Variants in SSH2 observed in about 807,000 individuals in gnomAD.
The protein encoded by SSH2 is protein phosphatase Slingshot homolog 2.
A neutral mutation model predicts 135.2 loss-of-function variants in SSH2; 37 were observed. The ratio of observed to expected loss-of-function variants is 0.27; its 90% CI spans 0.21 to 0.36. The LOEUF (loss-of-function observed/expected upper bound fraction) is 0.36, where lower values mean the gene tolerates loss of function less well. SSH2 is among the 10% of genes least tolerant of loss of function. The pLI, the probability that SSH2 is intolerant of heterozygous loss-of-function variation, is 1.00. For missense variants in SSH2, 1,408 were observed against 1,765.3 expected (o/e 0.80, Z 3.63); for synonymous variants, 628 against 646.2 (o/e 0.97, Z 0.43).
In SSH2 at chr17:29,799,823, C is replaced by A. The variant is rs148693276; in HGVS notation, c.145-5886G>T. Among the ~76,000 whole-genome samples the A allele has an allele frequency of 9.5e-4, 144 of 152,228 alleles. 1 individual carries two copies. Among genetic ancestry groups the A allele is most frequent in the African/African-American group, 3.3e-3 (138 of 41,530 alleles). On this transcript the variant is annotated intron_variant, in intron 2 of 15. Coordinates refer to ENST00000540801, the MANE Select transcript of SSH2 (RefSeq NM_001282129.2). ...TATATGTTGTTTCACTGAATGGGTA[C>A]CACACCCTATGGGACTTATTCAAGG...
intron 14 of SSH2, chr17:29,645,961 G>A (rs2036354148): frequency 2.0e-5 from 3 of 152,128 alleles, no homozygotes; most frequent in South Asian, 4.1e-4. Context: ...TTGTTCAGGG[G>A]AAACACAGTC....
rs183544698 is a variant in SSH2, at chr17:29,904,661, C to T, written c.63+25277G>A. ...GGAAGTTCTGGCCAAGGCAATCAGGCAAGAGAAAGAAATAACAGGTATTCA... is the reference window on the plus strand; with the variant it reads ...GGAAGTTCTGGCCAAGGCAATCAGGTAAGAGAAAGAAATAACAGGTATTCA... On this transcript the variant is annotated intron_variant, in intron 1 of 15. Coordinates refer to ENST00000540801, the MANE Select transcript of SSH2 (RefSeq NM_001282129.2). Among the ~76,000 whole-genome samples the T allele has an allele frequency of 1.1e-3, 174 of 152,148 alleles. 1 individual carries two copies. Among genetic ancestry groups the T allele is most frequent in the Non-Finnish European group, 1.7e-3 (113 of 68,014 alleles).
chr17:29,893,776 G>C (rs1306099920), intron 1 of SSH2, among the ~76,000 whole-genome samples: 1 of 152,196 alleles, frequency 6.6e-6, no homozygotes, highest in African/African-American at 2.4e-5. Flanking sequence ...ATACTGAGGT[G>C]TATTGTGACT....
At chr17:29,760,953 C>T (rs2041272647) in intron 3 of SSH2, 1 of 411,798 alleles carries the variant, frequency 2.4e-6, no homozygotes, top group Admixed American at 4.0e-5. Context: ...CACCCCGGGA[C>T]ACTTTCCGCC....
At chr17:29,774,883 C>T (rs2041663633) in intron 3 of SSH2, among the ~76,000 whole-genome samples, 1 of 152,148 alleles carries the variant, frequency 6.6e-6, no homozygotes, top group Admixed American at 6.5e-5. Flanking sequence ...TTGTGTTTCA[C>T]CTTAACCACC....
intron 13 of SSH2, 80 bp downstream of exon 13, chr17:29,650,574 T>C: frequency 7.4e-7 from 1 of 1,342,672 alleles, no homozygotes. Flanking sequence ...CAGTAAGTTG[T>C]CTATAGCCCT....
chr17:29,800,201 G>GA (rs1321961786), intron 2 of SSH2, among the ~76,000 whole-genome samples: 3 of 147,302 alleles, frequency 2.0e-5, no homozygotes, highest in African/African-American at 5.0e-5. Context: ...TGTTTACTTC[G>GA]AAAAAAAAAC....
intron 1 of SSH2, among the ~76,000 whole-genome samples, chr17:29,860,394 T>G (rs1293030776): frequency 6.6e-6 from 1 of 152,192 alleles, no homozygotes; most frequent in African/African-American, 2.4e-5. Flanking sequence ...GTTGGCAACA[T>G]GTACTTCTTC....
At chr17:29,876,455 G>A (rs552837208) in intron 1 of SSH2, among the ~76,000 whole-genome samples, 30 of 152,070 alleles carry the variant, frequency 2.0e-4, no homozygotes, top group African/African-American at 1.9e-4. Context: ...TTAATCCCTC[G>A]TCAGATGGGT....
At chr17:29,859,910 G>A (rs1268426322) in intron 1 of SSH2, among the ~76,000 whole-genome samples, 3 of 152,016 alleles carry the variant, frequency 2.0e-5, no homozygotes, top group African/African-American at 4.8e-5. Flanking sequence ...GCAATGGCAC[G>A]ACCTTGGCTC....
intron 2 of SSH2, among the ~76,000 whole-genome samples, chr17:29,833,514 A>C (rs1036022113): frequency 2.0e-5 from 3 of 152,108 alleles, no homozygotes; most frequent in African/African-American, 7.2e-5. Context: ...ACAGATCATT[A>C]GATCTTGTTT....
intron 1 of SSH2, among the ~76,000 whole-genome samples, chr17:29,860,726 TC>T (rs2065749529): frequency 6.7e-6 from 1 of 149,028 alleles, no homozygotes; most frequent in South Asian, 2.2e-4. Flanking sequence ...GCTACTGTGC[TC>T]AGTCTCCTTT....
At chr17:29,750,379 C>T (rs1274939542) in intron 3 of SSH2, among the ~76,000 whole-genome samples, 4 of 146,026 alleles carry the variant, frequency 2.7e-5, no homozygotes, top group African/African-American at 1.0e-4. Flanking sequence ...GTGGAGGTGG[C>T]AGCGAGCCGA....
chr17:29,873,929 G>A (rs981289350), intron 1 of SSH2, among the ~76,000 whole-genome samples: 2 of 152,126 alleles, frequency 1.3e-5, no homozygotes, highest in African/African-American at 4.8e-5. Flanking sequence ...CCCTTGAGAG[G>A]GAAGTGTTCA....
intron 5 of SSH2, among the ~76,000 whole-genome samples, chr17:29,687,005 G>A (rs894389839): frequency 6.6e-6 from 1 of 152,186 alleles, no homozygotes; most frequent in Admixed American, 6.5e-5. Flanking sequence ...AGAAAAATGT[G>A]CTCTGGAGGC....
intron 3 of SSH2, among the ~76,000 whole-genome samples, chr17:29,748,742 G>GT (rs1476440755): frequency 6.6e-6 from 1 of 152,034 alleles, no homozygotes; most frequent in African/African-American, 2.4e-5. Flanking sequence ...AAACTTCTTG[G>GT]TTCTAAGCTT....
chr17:29,707,995 G>C (rs1012287724), intron 3 of SSH2, among the ~76,000 whole-genome samples: 3 of 152,054 alleles, frequency 2.0e-5, no homozygotes, highest in African/African-American at 7.2e-5. Flanking sequence ...CCAGAAATAA[G>C]CGTGTGGCTG....
chr17:29,757,757 A>C (rs1276912149), intron 3 of SSH2, among the ~76,000 whole-genome samples: 1 of 105,140 alleles, frequency 9.5e-6, no homozygotes, highest in Non-Finnish European at 1.7e-5. Context: ...AGAGAGAGAG[A>C]ATTGCTTGAA....
chr17:29,677,879 A>G (rs982266152), intron 6 of SSH2, 138 bp from the exon 7 acceptor site: 1 of 637,514 alleles, frequency 1.6e-6, no homozygotes, highest in Non-Finnish European at 2.8e-6. Context: ...AGAAATTTCT[A>G]TCATATTATT....
Sources: allele counts gnomAD v4.1 joint callset (sites outside exome capture counted in the v4.1 genomes callset), GRCh38; gene constraint gnomAD v4.1.1; transcripts MANE v1.5; gene names NCBI Gene and HGNC (gene_info 2026-07-23, HGNC 2026-07-21).